The following PLEKHA6 variants were observed in gnomAD, a reference collection of about 807,000 sequenced individuals.
PLEKHA6 encodes pleckstrin homology domain-containing family A member 6.
A neutral mutation model predicts 116.7 loss-of-function variants in PLEKHA6; 60 were observed. The observed-to-expected ratio is 0.51, with a 90% CI of 0.42 to 0.64. The LOEUF (loss-of-function observed/expected upper bound fraction) is 0.64. Among genes scored for constraint, PLEKHA6 ranks in the 30% least tolerant of loss-of-function variants. PLEKHA6 has a pLI of 0.00. For missense variants in PLEKHA6, 1,338 were observed against 1,422.7 expected (o/e 0.94, Z 0.96); for synonymous variants, 489 against 556.1 (o/e 0.88, Z 1.70).
chr1:204,335,450 G>A (rs140365260), intron 1 of PLEKHA6, among the ~76,000 whole-genome samples: 1 of 152,228 alleles, frequency 6.6e-6, no homozygotes, highest in African/African-American at 2.4e-5. Flanking sequence ...AGGGGACAGG[G>A]AGGGAGGCTG....
chr1:204,273,601 A>G, intron 3 of PLEKHA6, 25 bp downstream of exon 3: 1 of 1,510,678 alleles, frequency 6.6e-7, no homozygotes, highest in Non-Finnish European at 9.2e-7. Flanking sequence ...CCAGCCCAAC[A>G]GCTTGCCTTG....
intron 1 of PLEKHA6, among the ~76,000 whole-genome samples, chr1:204,276,003 T>C (rs1205575707): frequency 6.6e-6 from 1 of 152,046 alleles, no homozygotes; most frequent in Non-Finnish European, 1.5e-5. Flanking sequence ...AGGAAGGAGA[T>C]CTTAGCTTAG....
At chr1:204,260,645 A>G (rs1403735772) in intron 7 of PLEKHA6, among the ~76,000 whole-genome samples, 1 of 152,156 alleles carries the variant, frequency 6.6e-6, no homozygotes, top group Non-Finnish European at 1.5e-5. Flanking sequence ...CATTTCTAAG[A>G]TATGTGGACT....
chr1:204,320,711 G>A (rs1371281257), intron 1 of PLEKHA6, among the ~76,000 whole-genome samples: 5 of 152,240 alleles, frequency 3.3e-5, no homozygotes, highest in Non-Finnish European at 7.4e-5. Flanking sequence ...CTCCCTCCAC[G>A]TGCTCTGTGG....
intron 1 of PLEKHA6, among the ~76,000 whole-genome samples, chr1:204,284,638 G>A (rs563687883): frequency 3.9e-5 from 6 of 151,960 alleles, no homozygotes; most frequent in Admixed American, 2.6e-4. Flanking sequence ...CTCCCCTGAC[G>A]CCCCCGAGAG....
intron 2 of PLEKHA6, among the ~76,000 whole-genome samples, chr1:204,371,154 AG>A (rs1376811088): frequency 2.0e-5 from 3 of 152,010 alleles, no homozygotes; most frequent in Non-Finnish European, 4.4e-5. Flanking sequence ...TATTGGGCAG[AG>A]CAGATAGAGA....
rs1667837650 is a variant in PLEKHA6, at chr1:204,274,789, G to A, written c.-74C>T. The A allele has an allele frequency of 1.0e-6, 1 of 985,654 alleles. No homozygotes were observed. The highest frequency in any genetic ancestry group is 6.2e-5 in the Admixed American group (1 of 16,260). The allele number at this position is 985,654 out of a possible 1,614,324, so 61.1% of individuals were successfully genotyped here. ...CTGGCCAGTCACTGGGTGTAGAAAT[G>A]TGTTCCGTCTTTCATTGTGGCTGTA... is the stretch of plus-strand genomic sequence containing the variant. On this transcript the variant is annotated 5_prime_UTR_variant, in exon 2 of 23. Coordinates refer to ENST00000272203, the MANE Select transcript of PLEKHA6 (RefSeq NM_014935.5).
chr1:204,290,450 A>G (rs1669627810), intron 1 of PLEKHA6, among the ~76,000 whole-genome samples: 1 of 152,234 alleles, frequency 6.6e-6, no homozygotes, highest in South Asian at 2.1e-4. Context: ...TTTTCAATAC[A>G]TGGTGCTGTA....
At chr1:204,256,917 G>C (rs1665382667) in intron 9 of PLEKHA6, 1 of 613,762 alleles carries the variant, frequency 1.6e-6, no homozygotes, top group South Asian at 1.9e-5. Flanking sequence ...GCAGAGGTGA[G>C]GGGTCTGGCT....
chr1:204,376,177 G>C (rs563137676), intron 1 of PLEKHA6, among the ~76,000 whole-genome samples: 1 of 152,318 alleles, frequency 6.6e-6, no homozygotes, highest in East Asian at 1.9e-4. Context: ...TTTGTAGAAT[G>C]AAAGAGGAAA....
intron 17 of PLEKHA6, among the ~76,000 whole-genome samples, chr1:204,239,179 C>T (rs1662465676): frequency 6.6e-6 from 1 of 152,222 alleles, no homozygotes; most frequent in Non-Finnish European, 1.5e-5. Context: ...ACCACTCAGC[C>T]TCTTTTCCCA....
Position 204,257,886 on chromosome 1 carries a change from A to G in PLEKHA6, c.1008-17T>C, listed in dbSNP as rs1665570157. On this transcript the variant is annotated splice_polypyrimidine_tract_variant and intron_variant, in intron 8 of 22. Transcript: ENST00000272203. The surrounding 1 kb of genome is among the most constrained non-coding windows in gnomAD (Gnocchi z 6.5). The stretch of plus-strand genomic sequence containing the variant: ...CTAGAGGGACTGAGAGAGAGGGGAC[A>G]TTGTAATGAAGGCAGACAACACGGG... 2.5e-6 allele frequency: 4 copies of G among 1,586,632 alleles called. No individual in the cohort carries two copies. Among genetic ancestry groups the G allele is most frequent in the Non-Finnish European group, 3.4e-6 (4 of 1,162,202 alleles).
In PLEKHA6 at chr1:204,271,874, C is replaced by T. The variant is rs559371039; in HGVS notation, c.102+1752G>A. Among the ~76,000 whole-genome samples, 4 of 152,268 alleles carry T rather than the reference C, an allele frequency of 2.6e-5. No homozygotes were observed. The South Asian group carries it at 6.2e-4, about 24-fold the overall frequency. The stretch of plus-strand genomic sequence containing the variant: ...CTTCATTGACCATCATTCCTGTTTC[C>T]CAAACCTGTATCACGTATTTTCTTT... On this transcript the variant is annotated intron_variant, in intron 3 of 22. Coordinates refer to ENST00000272203, the MANE Select transcript of PLEKHA6 (RefSeq NM_014935.5).
In PLEKHA6 at chr1:204,270,511, C is replaced by A. The variant is rs367985789; in HGVS notation, c.103-2199G>T. On this transcript the variant is annotated intron_variant, in intron 3 of 22. Transcript: ENST00000272203. ...AATGGTACCATGAGCCACCTAGCCA[C>A]CCACCCCAGAACTCCACGTTATCTT... 1.1e-4 allele frequency among the ~76,000 whole-genome samples: 17 copies of A among 152,286 alleles called. No individual in the cohort carries two copies. In the East Asian group the frequency reaches 3.1e-3, roughly 28 times the overall value.
chr1:204,327,074 G>T (rs1268243468), intron 1 of PLEKHA6: 1 of 891,796 alleles, frequency 1.1e-6, no homozygotes, highest in Non-Finnish European at 1.3e-6. Flanking sequence ...TCCTCCTCCT[G>T]GGATAGAAAC....
upstream of PLEKHA6, among the ~76,000 whole-genome samples, chr1:204,362,390 T>G (rs76762811): frequency 5.9e-3 from 893 of 152,204 alleles, 11 homozygotes; most frequent in African/African-American, 0.02. Context: ...TCCCCATTGC[T>G]CAGAGGATCA....
intron 1 of PLEKHA6, among the ~76,000 whole-genome samples, chr1:204,347,539 G>A (rs564481433): frequency 1.3e-5 from 2 of 151,278 alleles, no homozygotes; most frequent in African/African-American, 4.9e-5. Context: ...ACAGGATTAA[G>A]AGATTAAAGT....
At chr1:204,319,512 G>C (rs1325064403) in intron 1 of PLEKHA6, among the ~76,000 whole-genome samples, 14 of 152,120 alleles carry the variant, frequency 9.2e-5, no homozygotes, top group Admixed American at 7.9e-4. Flanking sequence ...CCATTAAGGC[G>C]GGCTTCTTTT....
At chr1:204,333,995 C>G (rs974997279) in intron 1 of PLEKHA6, among the ~76,000 whole-genome samples, 1 of 152,208 alleles carries the variant, frequency 6.6e-6, no homozygotes, top group East Asian at 1.9e-4. Context: ...GAGGCCTAGC[C>G]TTGCACTATT....
Sources: allele counts gnomAD v4.1 joint callset (sites outside exome capture counted in the v4.1 genomes callset), GRCh38; gene constraint gnomAD v4.1.1; non-coding constraint Gnocchi (gnomAD v3.1); transcripts MANE v1.5; gene names NCBI Gene and HGNC (gene_info 2026-07-23, HGNC 2026-07-21).